Variants in SNX6 observed in about 807,000 individuals in gnomAD.
SNX6 encodes sorting nexin 6.
A neutral mutation model predicts 63.0 loss-of-function variants in SNX6; 34 were observed. That is an observed-to-expected ratio of 0.54 (90% CI 0.41 to 0.72). SNX6 has a LOEUF of 0.72. Among genes scored for constraint, SNX6 ranks in the 30% least tolerant of loss-of-function variants. SNX6 has a pLI of 0.00. For missense variants in SNX6, 398 were observed against 471.4 expected (o/e 0.84, Z 1.44); for synonymous variants, 170 against 164.2 (o/e 1.04, Z -0.27).
intron 11 of SNX6, chr14:34,575,472 T>A: frequency 5.9e-6 from 1 of 168,332 alleles, no homozygotes; most frequent in Non-Finnish European, 1.3e-5. Context: ...AGTGTTGGGA[T>A]TACAGGCGTG....
intron 5 of SNX6, among the ~76,000 whole-genome samples, chr14:34,604,490 C>G (rs1050370716): frequency 6.6e-6 from 1 of 151,824 alleles, no homozygotes; most frequent in African/African-American, 2.4e-5. Flanking sequence ...GAATATATAA[C>G]TAAAAACTAA....
At chr14:34,607,886 C>G (rs1367996263) in intron 4 of SNX6, 144 bp downstream of exon 4, 1 of 446,164 alleles carries the variant, frequency 2.2e-6, no homozygotes, top group Admixed American at 4.1e-5. Flanking sequence ...CCAGCCTGGG[C>G]AACAGAGTGA....
Position 34,608,097 on chromosome 14 carries a change from C to T in SNX6, c.203G>A (p.Arg68Gln), listed in dbSNP as rs780166850. The T allele has an allele frequency of 2.5e-6, 4 of 1,609,652 alleles. No homozygotes were observed. The highest frequency in any genetic ancestry group is 1.7e-5 in the Admixed American group (1 of 59,596). ...NFKQNEFSVVRQHEEFIWLHD... is the reference protein window; with the variant it reads ...NFKQNEFSVVQQHEEFIWLHD... ...AAGCCAGATAAATTCCTCATGTTGC[C>T]GAACAACTGAAAACTCGTTTTGTTT... Residue 68 changes from arginine to glutamine, a missense_variant, in exon 4 of 14, where the codon CGG becomes CAG. Arg to Gln is a conservative substitution (Grantham distance 43). Coordinates refer to ENST00000362031, the MANE Select transcript of SNX6 (RefSeq NM_152233.4).
At chr14:34,612,487 G>A (rs1208100453) in intron 2 of SNX6, among the ~76,000 whole-genome samples, 1 of 152,044 alleles carries the variant, frequency 6.6e-6, no homozygotes, top group Non-Finnish European at 1.5e-5. Context: ...AGGTTGGAGT[G>A]CAGTGGCCCC....
intron 8 of SNX6, among the ~76,000 whole-genome samples, chr14:34,592,405 G>A (rs1882430840): frequency 1.3e-5 from 2 of 151,996 alleles, no homozygotes; most frequent in Non-Finnish European, 2.9e-5. Context: ...AAAAGAGCAA[G>A]TGCATGGCCG....
intron 13 of SNX6, among the ~76,000 whole-genome samples, chr14:34,565,940 C>T (rs572697556): frequency 7.6e-4 from 116 of 151,812 alleles, no homozygotes; most frequent in African/African-American, 2.1e-3. Context: ...CCACCCGCCT[C>T]GGCCTCCCAA....
At chr14:34,630,085 G>C (rs1320166215) in intron 1 of SNX6, 26 bp downstream of exon 1, 40 of 1,451,480 alleles carry the variant, frequency 2.8e-5, no homozygotes, top group Non-Finnish European at 3.6e-5. Flanking sequence ...GCGCTCCCGG[G>C]ACTCGGCGCC....
intron 2 of SNX6, among the ~76,000 whole-genome samples, chr14:34,613,675 C>T (rs1883315398): frequency 6.6e-6 from 1 of 151,894 alleles, no homozygotes; most frequent in East Asian, 1.9e-4. Flanking sequence ...TGACTGAAGT[C>T]CCAGCTACTC....
chr14:34,565,701 T>C, intron 13 of SNX6, among the ~76,000 whole-genome samples: 1 of 138,376 alleles, frequency 7.2e-6, no homozygotes. Context: ...TTTTTCTTTT[T>C]TATTTTGAGA....
chr14:34,569,467 GC>G (rs1881343091), intron 11 of SNX6, among the ~76,000 whole-genome samples: 1 of 150,242 alleles, frequency 6.7e-6, no homozygotes, highest in African/African-American at 2.5e-5. Context: ...TCACTCTGTT[GC>G]TTAGGCTGGA....
At chr14:34,599,419 G>C (rs6571667) in intron 6 of SNX6, among the ~76,000 whole-genome samples, 118,662 of 151,484 alleles carry the variant, frequency 0.78, 46,787 homozygotes, top group East Asian at 0.83. Flanking sequence ...TAGCCTTGAA[G>C]AACATGGTGA....
chr14:34,622,164 G>A (rs1021317284), intron 2 of SNX6, among the ~76,000 whole-genome samples: 2 of 150,238 alleles, frequency 1.3e-5, no homozygotes, highest in African/African-American at 2.4e-5. Context: ...GTTTCGTCAC[G>A]TTGGCCAGGC....
At chr14:34,627,912 T>C (rs548196616) in intron 2 of SNX6, among the ~76,000 whole-genome samples, 4 of 152,338 alleles carry the variant, frequency 2.6e-5, no homozygotes, top group African/African-American at 9.6e-5. Context: ...TGAGCCATTG[T>C]GCCTGGCCGA....
intron 7 of SNX6, among the ~76,000 whole-genome samples, chr14:34,595,048 G>A (rs1248820649): frequency 6.6e-6 from 1 of 152,028 alleles, no homozygotes; most frequent in African/African-American, 2.4e-5. Context: ...GCCGAGATTG[G>A]GGCACTGCAC....
rs927821255 is a variant in SNX6, at chr14:34,609,369, T to C, written c.159+269A>G. Among the ~76,000 whole-genome samples the C allele has an allele frequency of 6.0e-5, 9 of 150,338 alleles. 1 individual carries two copies. In the South Asian group the frequency reaches 1.9e-3, roughly 32 times the overall value. The stretch of plus-strand genomic sequence containing the variant: ...GGTGGTGGACGCCTGTAGTCCCAGC[T>C]ACTCTGGAGGCTGAGGCAGGAGAAT... On this transcript the variant is annotated intron_variant, in intron 3 of 13. Coordinates refer to ENST00000362031, the MANE Select transcript of SNX6 (RefSeq NM_152233.4).
At chr14:34,628,803 G>GAAGT (rs1026397720) in intron 2 of SNX6, among the ~76,000 whole-genome samples, 2 of 152,164 alleles carry the variant, frequency 1.3e-5, no homozygotes, top group Non-Finnish European at 2.9e-5. Context: ...AGGGAAAACT[G>GAAGT]AAGTGCAGGC....
intron 11 of SNX6, among the ~76,000 whole-genome samples, chr14:34,574,153 TG>T (rs1881580990): frequency 6.7e-6 from 1 of 149,952 alleles, no homozygotes; most frequent in African/African-American, 2.5e-5. Flanking sequence ...CTGGCCAATA[TG>T]GTGAAACTCC....
intron 2 of SNX6, among the ~76,000 whole-genome samples, chr14:34,626,191 A>G (rs1287285585): frequency 6.6e-6 from 1 of 152,172 alleles, no homozygotes; most frequent in Non-Finnish European, 1.5e-5. Flanking sequence ...CGGGACAAAA[A>G]TAAGGAAGAA....
At chr14:34,567,223 G>A (rs1049832510) in intron 13 of SNX6, among the ~76,000 whole-genome samples, 3 of 150,942 alleles carry the variant, frequency 2.0e-5, no homozygotes, top group Admixed American at 6.6e-5. Flanking sequence ...ACGGTGGCTC[G>A]TGTCTGTAAT....
Sources: allele counts gnomAD v4.1 joint callset (sites outside exome capture counted in the v4.1 genomes callset), GRCh38; gene constraint gnomAD v4.1.1; transcripts MANE v1.5; gene names NCBI Gene and HGNC (gene_info 2026-07-23, HGNC 2026-07-21).